Variants in IBA57 observed in about 807,000 individuals in gnomAD.
IBA57 encodes iron-sulfur cluster assembly factor IBA57.
In IBA57, 20 loss-of-function variants were observed where a neutral mutation model predicts 20.4. That is an observed-to-expected ratio of 0.98 (90% CI 0.69 to 1.42). The LOEUF is 1.42. Ranked by LOEUF, IBA57 falls within the 40% of genes most tolerant of loss-of-function variation. IBA57 has a pLI of 0.00. For missense variants in IBA57, 608 were observed against 499.3 expected (o/e 1.22, Z -2.07); for synonymous variants, 310 against 233.9 (o/e 1.33, Z -2.97).
Position 228,175,317 on chromosome 1 carries a change from G to C in IBA57, c.875G>C (p.Gly292Ala), listed in dbSNP as rs769817144. The C allele has an allele frequency of 5.6e-6, 9 of 1,612,848 alleles. No individual in the cohort carries two copies. The East Asian group carries it at 1.8e-4, about 32-fold the overall frequency. The change falls in exon 3 of 3, where the codon GGC becomes GCC. Residue 292 changes from glycine to alanine, a missense_variant. Physicochemically the swap from Gly to Ala is moderately conservative, Grantham distance 60 (BLOSUM62 0). Coordinates refer to ENST00000366711, the MANE Select transcript of IBA57 (RefSeq NM_001010867.4). ...VRFLDPLPTS[G>A]ITPGATVLTA... is the part of the protein sequence containing the mutation. Reference sequence around the variant, plus strand: ...TTCTTGGACCCCCTTCCCACCAGTGGCATCACCCCTGGTGCCACGGTGCTG... The same window carrying C: ...TTCTTGGACCCCCTTCCCACCAGTGCCATCACCCCTGGTGCCACGGTGCTG...
chr1:228,174,842 C>G lies in IBA57; in HGVS notation c.492C>G (p.Pro164=). ...HPELRVWAVL[P]SSPEACGAAS... ...AGCTGCGAGTGTGGGCGGTGTTGCCCAGTTCCCCTGAGGCCTGCGGGGCTG... is the reference window on the plus strand; with the variant it reads ...AGCTGCGAGTGTGGGCGGTGTTGCCGAGTTCCCCTGAGGCCTGCGGGGCTG... The change falls in exon 2 of 3, where the codon CCC becomes CCG. Residue 164 remains proline, a synonymous_variant. Transcript: ENST00000366711. The G allele has an allele frequency of 6.2e-7, 1 of 1,610,446 alleles. No homozygotes were observed. The highest frequency in any genetic ancestry group is 8.5e-7 in the Non-Finnish European group (1 of 1,179,246).
In IBA57 at chr1:228,175,672, C is replaced by G; in HGVS notation, c.*159C>G. 1 of 950,588 alleles carries G rather than the reference C, an allele frequency of 1.1e-6. No individual in the cohort carries two copies. The highest frequency in any genetic ancestry group is 1.5e-6 in the Non-Finnish European group (1 of 679,334). 58.9% of individuals were successfully genotyped at this position (950,588 alleles called of 1,614,324 possible). A position where few individuals can be genotyped will look rare whatever the true frequency, so the allele number is the denominator to read the frequency against. On this transcript the variant is annotated 3_prime_UTR_variant, in exon 3 of 3. Coordinates refer to ENST00000366711, the MANE Select transcript of IBA57 (RefSeq NM_001010867.4). The stretch of plus-strand genomic sequence containing the variant: ...CCCCTTGTAGGTGCCCTGCCTGGCC[C>G]CACCCATGCTCAGGGGCCCCAGGCA...
rs2034986670 is a variant in IBA57 at position 228,174,887 on chromosome 1, A to C, written c.537A>C (p.Ala179=). 6.2e-7 allele frequency: 1 copy of C among 1,606,248 alleles called. No individual in the cohort carries two copies. The highest frequency in any genetic ancestry group is 1.7e-5 in the Admixed American group (1 of 59,660). ...ACGAASLQER[A]GAAAILIRDP... is the part of the protein sequence containing the mutation. ...GGGCTGCATCGCTGCAGGAGAGGGC[A>C]GGGGCTGCCGCCATCCTCATCCGCG... Residue 179 remains alanine, a synonymous_variant, in exon 2 of 3, where the codon GCA becomes GCC. Coordinates refer to ENST00000366711, the MANE Select transcript of IBA57 (RefSeq NM_001010867.4).
intron 1 of IBA57, chr1:228,173,059 C>T (rs1037365464): frequency 2.0e-5 from 3 of 152,342 alleles, no homozygotes; most frequent in African/African-American, 4.8e-5. Context: ...CGGCAGGGTC[C>T]TCAGTGAGAC....
Position 228,177,217 on chromosome 1 carries a change from G to A in IBA57, c.*1704G>A, listed in dbSNP as rs2035040795. ...TGAGGGTCTGTGCCTCGAGCTCAAA[G>A]TGTCCCGGCTCTGTCATCTGCCTGA... On this transcript the variant is annotated 3_prime_UTR_variant, in exon 3 of 3. Transcript: ENST00000366711. 1 of 152,396 alleles carries A rather than the reference G, an allele frequency of 6.6e-6. No individual in the cohort carries two copies. Among genetic ancestry groups the A allele is most frequent in the African/African-American group, 2.4e-5 (1 of 41,468 alleles). The allele number at this position is 152,396 out of a possible 1,614,324, so 9.4% of individuals were successfully genotyped here.
At position 228,165,867 on chromosome 1, in the gene IBA57, G is replaced by C. The variant is rs981537719; in HGVS notation, c.51G>C (p.Pro17=). 20 of 1,318,234 alleles carry C rather than the reference G, an allele frequency of 1.5e-5. No homozygotes were observed. Among genetic ancestry groups the C allele is most frequent in the Non-Finnish European group, 1.9e-5 (20 of 1,040,442 alleles). 81.7% of individuals were successfully genotyped at this position (1,318,234 alleles called of 1,614,324 possible). A position where few individuals can be genotyped will look rare whatever the true frequency, so the allele number is the denominator to read the frequency against. ...LRGATPGRGG[P]VWRWRLRAAP... is the part of the protein sequence containing the mutation. ...GCGCCACTCCGGGGCGCGGCGGCCCGGTCTGGCGCTGGCGGCTGCGCGCGG... is the reference window on the plus strand; with the variant it reads ...GCGCCACTCCGGGGCGCGGCGGCCCCGTCTGGCGCTGGCGGCTGCGCGCGG... Residue 17 remains proline (P), a synonymous_variant, in exon 1 of 3, where the codon CCG becomes CCC. Transcript: ENST00000366711.
chr1:228,180,149 CTG>C lies in IBA57; in HGVS notation c.*4638_*4639del, dbSNP rs2124980599. On this transcript the variant is annotated 3_prime_UTR_variant, in exon 3 of 3. Coordinates refer to ENST00000366711, the MANE Select transcript of IBA57 (RefSeq NM_001010867.4). ...CCAGCCTGGGCAATAGAATGAGACTCTGTCTCAAAAAAAAAAAAAAAAAAAAA... is the reference window on the plus strand; with the variant it reads ...CCAGCCTGGGCAATAGAATGAGACTCTCTCAAAAAAAAAAAAAAAAAAAAA... 1.0e-5 allele frequency: 1 copy of C among 98,502 alleles called. No individual in the cohort carries two copies. The highest frequency in any genetic ancestry group is 1.8e-5 in the Non-Finnish European group (1 of 54,564). 6.1% of individuals were successfully genotyped at this position (98,502 alleles called of 1,614,324 possible).
intron 1 of IBA57, among the ~76,000 whole-genome samples, chr1:228,168,848 C>G (rs1429282979): frequency 6.6e-6 from 1 of 152,156 alleles, no homozygotes; most frequent in African/African-American, 2.4e-5. Flanking sequence ...CGGGACCATC[C>G]TCCGTGGGAT....
In IBA57 at chr1:228,181,700, T is replaced by A. The variant is rs2035113921; in HGVS notation, c.*6187T>A. On this transcript the variant is annotated 3_prime_UTR_variant, in exon 3 of 3. Coordinates refer to ENST00000366711, the MANE Select transcript of IBA57 (RefSeq NM_001010867.4). ...GGAACTGCCAGACATTTTCCCGGAGTGAGTGCAGCATTTACATTCCCACCA... is the reference window on the plus strand; with the variant it reads ...GGAACTGCCAGACATTTTCCCGGAGAGAGTGCAGCATTTACATTCCCACCA... 6.6e-6 allele frequency: 1 copy of A among 152,220 alleles called. No individual in the cohort carries two copies. Among genetic ancestry groups the A allele is most frequent in the East Asian group, 1.9e-4 (1 of 5,202 alleles). The allele number at this position is 152,220 out of a possible 1,614,324, so 9.4% of individuals were successfully genotyped here. A position where few individuals can be genotyped will look rare whatever the true frequency, so the allele number is the denominator to read the frequency against.
chr1:228,166,263 G>A (rs2034851970), intron 1 of IBA57, 106 bp downstream of exon 1: 1 of 839,820 alleles, frequency 1.2e-6, no homozygotes, highest in African/African-American at 1.8e-5. Context: ...AGGGCGTGGG[G>A]GGTGGGCACC....
chr1:228,167,509 A>C (rs2034869357), intron 1 of IBA57, among the ~76,000 whole-genome samples: 1 of 152,154 alleles, frequency 6.6e-6, no homozygotes, highest in African/African-American at 2.4e-5. Flanking sequence ...GGTGCCTGCC[A>C]CCATGCCCGG....
At chr1:228,173,910 G>T (rs2034962554) in intron 1 of IBA57, among the ~76,000 whole-genome samples, 1 of 152,252 alleles carries the variant, frequency 6.6e-6, no homozygotes, top group Admixed American at 6.5e-5. Flanking sequence ...GTCTTTGCCT[G>T]CTTAGACGAG....
Position 228,165,916 on chromosome 1 carries a change from A to G in IBA57, c.100A>G (p.Ser34Gly). 1.4e-6 allele frequency: 2 copies of G among 1,464,770 alleles called. No homozygotes were observed. The highest frequency in any genetic ancestry group is 2.9e-5 in the East Asian group (1 of 34,338). 90.7% of individuals were successfully genotyped at this position (1,464,770 alleles called of 1,614,324 possible). A position where few individuals can be genotyped will look rare whatever the true frequency, so the allele number is the denominator to read the frequency against. The stretch of plus-strand genomic sequence containing the variant: ...GGCCCCAAGGTGCCGCCTGGCCCAC[A>G]GCTCCTGCAGTCCTGGTGGCGACCC... The part of the protein sequence containing the change: ...RAAPRCRLAH[S>G]SCSPGGDPTA... Residue 34 changes from serine to glycine, a missense_variant, in exon 1 of 3, where the codon AGC becomes GGC. Ser to Gly is a moderately conservative substitution (Grantham distance 56, BLOSUM62 0). Transcript: ENST00000366711.
chr1:228,174,909 C>T lies in IBA57; in HGVS notation c.559C>T (p.Arg187Cys), dbSNP rs765483428. 2 of 1,600,992 alleles carry T rather than the reference C, an allele frequency of 1.2e-6. No homozygotes were observed. Among genetic ancestry groups the T allele is most frequent in the African/African-American group, 1.3e-5 (1 of 74,738 alleles). The change falls in exon 2 of 3, where the codon CGC becomes TGC. Residue 187 changes from arginine (R) to cysteine (C), a missense_variant. By Grantham distance (180) the Arg-to-Cys change is radical (BLOSUM62 -3). Coordinates refer to ENST00000366711, the MANE Select transcript of IBA57 (RefSeq NM_001010867.4). ...GGCAGGGGCTGCCGCCATCCTCATC[C>T]GCGACCCGCGAACAGCACGCATGGG... ...ERAGAAAILI[R>C]DPRTARMGWR...
rs1175613092 is a variant in IBA57 at position 228,181,866 on chromosome 1, GGTCT to G, written c.*6359_*6362del. The G allele has an allele frequency of 6.6e-6, 1 of 152,240 alleles. No individual in the cohort carries two copies. Among genetic ancestry groups the G allele is most frequent in the Non-Finnish European group, 1.5e-5 (1 of 68,062 alleles). The allele number at this position is 152,240 out of a possible 1,614,324, so 9.4% of individuals were successfully genotyped here. A position where few individuals can be genotyped will look rare whatever the true frequency, so the allele number is the denominator to read the frequency against. ...TTGGTTTGAGAAAAGTAAGAAAAAG[GGTCT>G]GTCTGGCTATGGGCCATGGAGACCC... On this transcript the variant is annotated 3_prime_UTR_variant, in exon 3 of 3. Coordinates refer to ENST00000366711, the MANE Select transcript of IBA57 (RefSeq NM_001010867.4).
rs769450660 is a variant in IBA57 at position 228,181,678 on chromosome 1, A to G, written c.*6165A>G. 8 of 152,242 alleles carry G rather than the reference A, an allele frequency of 5.3e-5. No homozygotes were observed. Among genetic ancestry groups the G allele is most frequent in the Non-Finnish European group, 1.0e-4 (7 of 68,056 alleles). The allele number at this position is 152,242 out of a possible 1,614,324, so 9.4% of individuals were successfully genotyped here. On this transcript the variant is annotated 3_prime_UTR_variant, in exon 3 of 3. Coordinates refer to ENST00000366711, the MANE Select transcript of IBA57 (RefSeq NM_001010867.4). Reference sequence around the variant, plus strand: ...GCAGGAAAACTCAGTGTTGCTAGGAACTGCCAGACATTTTCCCGGAGTGAG... The same window carrying G: ...GCAGGAAAACTCAGTGTTGCTAGGAGCTGCCAGACATTTTCCCGGAGTGAG...
rs754770440 is a variant in IBA57, at chr1:228,175,107, C to T, written c.680-15C>T. On this transcript the variant is annotated splice_polypyrimidine_tract_variant and intron_variant, in intron 2 of 2. Coordinates refer to ENST00000366711, the MANE Select transcript of IBA57 (RefSeq NM_001010867.4). ...TGTTCAATTCTCGCTGGTTTCCCCC[C>T]TCCAATCCCTGCAGGCGTTCCTGAG... is the stretch of plus-strand genomic sequence containing the variant. 1 of 1,606,420 alleles carries T rather than the reference C, an allele frequency of 6.2e-7. No individual in the cohort carries two copies. Among genetic ancestry groups the T allele is most frequent in the South Asian group, 1.1e-5 (1 of 90,464 alleles).
In IBA57 at chr1:228,166,099, G is replaced by T; in HGVS notation, c.283G>T (p.Gly95Cys). The T allele has an allele frequency of 6.5e-7, 1 of 1,537,536 alleles. No individual in the cohort carries two copies. Among genetic ancestry groups the T allele is most frequent in the Non-Finnish European group, 8.7e-7 (1 of 1,144,264 alleles). Residue 95 changes from glycine to cysteine, a missense_variant, in exon 1 of 3, where the codon GGC becomes TGC. Gly to Cys is a radical substitution (Grantham distance 159). Transcript: ENST00000366711. ...GGGGGCCCCGCCTGCTGCGCGCGCG[G>T]GCTACGCCCACTTCCTGAACGTGCA... ...AAGAPPAARA[G>C]YAHFLNVQGR...
Position 228,175,317 on chromosome 1 carries a change from G to A in IBA57, c.875G>A (p.Gly292Asp). The A allele has an allele frequency of 1.9e-6, 3 of 1,612,966 alleles. No homozygotes were observed. Among genetic ancestry groups the A allele is most frequent in the Non-Finnish European group, 2.5e-6 (3 of 1,179,988 alleles). ...TTCTTGGACCCCCTTCCCACCAGTGGCATCACCCCTGGTGCCACGGTGCTG... is the reference window on the plus strand; with the variant it reads ...TTCTTGGACCCCCTTCCCACCAGTGACATCACCCCTGGTGCCACGGTGCTG... ...VRFLDPLPTS[G>D]ITPGATVLTA... is the part of the protein sequence containing the mutation. The change falls in exon 3 of 3, where the codon GGC becomes GAC. Residue 292 changes from glycine (G) to aspartate (D), a missense_variant. Physicochemically the swap from Gly to Asp is moderately conservative, Grantham distance 94. Coordinates refer to ENST00000366711, the MANE Select transcript of IBA57 (RefSeq NM_001010867.4).
Sources: allele counts gnomAD v4.1 joint callset (sites outside exome capture counted in the v4.1 genomes callset), GRCh38; gene constraint gnomAD v4.1.1; transcripts MANE v1.5; gene names NCBI Gene and HGNC (gene_info 2026-07-23, HGNC 2026-07-21).